Variants in NRG3 observed in about 807,000 individuals in gnomAD.
NRG3 encodes the protein pro-neuregulin-3, membrane-bound isoform.
NRG3 carries 31 observed loss-of-function variants against 66.9 expected under a neutral mutation model. That is an observed-to-expected ratio of 0.46 (90% CI 0.35 to 0.63). NRG3 has a LOEUF of 0.63. NRG3 is among the 20% of genes least tolerant of loss of function. The pLI is 0.00. For synonymous variants in NRG3, 393 were observed against 359.4 expected (o/e 1.09, Z -1.06); for missense variants, 910 against 878.9 (o/e 1.04, Z -0.45).
chr10:81,976,206 GTTGGTAA>G, intron 1 of NRG3, among the ~76,000 whole-genome samples: 1 of 152,218 alleles, frequency 6.6e-6, no homozygotes, highest in Non-Finnish European at 1.5e-5. Context: ...CATACCATTG[GTTGGTAA>G]TTGCTTCTGT....
intron 4 of NRG3, among the ~76,000 whole-genome samples, chr10:82,904,422 C>T (rs1844525826): frequency 1.3e-5 from 2 of 152,060 alleles, no homozygotes; most frequent in Admixed American, 6.6e-5. Flanking sequence ...CCTTTGCCCT[C>T]CTTAAAATGA....
intron 1 of NRG3, among the ~76,000 whole-genome samples, chr10:82,006,890 A>C (rs1481461842): frequency 6.6e-6 from 1 of 152,176 alleles, no homozygotes; most frequent in Non-Finnish European, 1.5e-5. Flanking sequence ...TTCACAGCAA[A>C]ATTTCCTTGA....
At chr10:82,035,309 C>T (rs1431016192) in intron 1 of NRG3, among the ~76,000 whole-genome samples, 1 of 152,050 alleles carries the variant, frequency 6.6e-6, no homozygotes, top group Non-Finnish European at 1.5e-5. Flanking sequence ...ATTTTAACTC[C>T]CTGTGGTCTG....
At chr10:82,380,151 G>T (rs1278808131) in intron 2 of NRG3, among the ~76,000 whole-genome samples, 1 of 151,904 alleles carries the variant, frequency 6.6e-6, no homozygotes, top group Non-Finnish European at 1.5e-5. Context: ...TGTACATGTG[G>T]AGCTTTTTAC....
At chr10:82,496,272 C>G (rs1843625425) in intron 2 of NRG3, among the ~76,000 whole-genome samples, 1 of 152,204 alleles carries the variant, frequency 6.6e-6, no homozygotes, top group Non-Finnish European at 1.5e-5. Context: ...GTAAACACCT[C>G]TCACTGCCAG....
intron 1 of NRG3, among the ~76,000 whole-genome samples, chr10:82,082,450 C>T (rs145074942): frequency 9.2e-5 from 14 of 152,192 alleles, no homozygotes; most frequent in Middle Eastern, 3.4e-3. Flanking sequence ...TTAAGGTTAT[C>T]GTCTTATGCT....
intron 2 of NRG3, among the ~76,000 whole-genome samples, chr10:82,638,156 A>G (rs1046453278): frequency 7.2e-5 from 11 of 152,206 alleles, no homozygotes; most frequent in African/African-American, 2.7e-4. Context: ...TGCTGAATTA[A>G]ACATATGTAT....
chr10:82,340,025 G>A (rs1018533215), intron 1 of NRG3, among the ~76,000 whole-genome samples: 4 of 151,982 alleles, frequency 2.6e-5, no homozygotes, highest in Admixed American at 6.6e-5. Flanking sequence ...GAATACTCTC[G>A]AAAGTGTCTT....
At chr10:82,886,444 G>A (rs1842728986) in intron 4 of NRG3, among the ~76,000 whole-genome samples, 1 of 152,128 alleles carries the variant, frequency 6.6e-6, no homozygotes, top group African/African-American at 2.4e-5. Flanking sequence ...GTTCAGATTG[G>A]ATCGATACGT....
intron 1 of NRG3, among the ~76,000 whole-genome samples, chr10:82,106,341 A>T (rs1425719644): frequency 6.6e-6 from 1 of 152,188 alleles, no homozygotes; most frequent in Non-Finnish European, 1.5e-5. Flanking sequence ...AGTTAGACCC[A>T]GGAGGGTTCA....
chr10:82,387,010 G>A (rs879408082), intron 2 of NRG3, among the ~76,000 whole-genome samples: 3 of 152,154 alleles, frequency 2.0e-5, no homozygotes, highest in Non-Finnish European at 4.4e-5. Flanking sequence ...ATGTTGGCCA[G>A]GTTGGTCTCG....
intron 1 of NRG3, chr10:81,878,185 C>T: frequency 8.6e-7 from 1 of 1,169,444 alleles, no homozygotes; most frequent in Non-Finnish European, 1.2e-6. Context: ...TTGACAGGGC[C>T]CTCAGCCCCA....
chr10:82,844,256 T>G (rs1163220225), intron 3 of NRG3, among the ~76,000 whole-genome samples: 1 of 152,198 alleles, frequency 6.6e-6, no homozygotes, highest in Admixed American at 6.5e-5. Flanking sequence ...TCTAATTAAA[T>G]CCCATTATGC....
chr10:82,089,477 G>A (rs1390868855), intron 1 of NRG3, among the ~76,000 whole-genome samples: 1 of 152,140 alleles, frequency 6.6e-6, no homozygotes, highest in African/African-American at 2.4e-5. Context: ...AGGGAAGGAA[G>A]TGAGAGCCAG....
chr10:82,470,655 G>A (rs1841162829), intron 2 of NRG3, among the ~76,000 whole-genome samples: 3 of 152,214 alleles, frequency 2.0e-5, no homozygotes, highest in African/African-American at 7.2e-5. Context: ...AGGTTAAACA[G>A]CAATGCTGTG....
intron 2 of NRG3, among the ~76,000 whole-genome samples, chr10:82,619,836 T>C (rs906587415): frequency 5.3e-5 from 8 of 152,138 alleles, no homozygotes; most frequent in Non-Finnish European, 8.8e-5. Flanking sequence ...GAGAAAGGCC[T>C]TAGCAGAAAC....
chr10:82,326,768 T>G (rs1179422888), intron 1 of NRG3, among the ~76,000 whole-genome samples: 1 of 152,204 alleles, frequency 6.6e-6, no homozygotes, highest in Non-Finnish European at 1.5e-5. Flanking sequence ...TTGCCAGAAA[T>G]CTAAAGTCTT....
intron 2 of NRG3, among the ~76,000 whole-genome samples, chr10:82,461,494 A>G (rs996116918): frequency 6.6e-6 from 1 of 152,088 alleles, no homozygotes; most frequent in Admixed American, 6.6e-5. Context: ...CATTCTTATC[A>G]TTGCACATGT....
chr10:81,952,529 G>A (rs1222990032), intron 1 of NRG3, among the ~76,000 whole-genome samples: 1 of 152,054 alleles, frequency 6.6e-6, no homozygotes, highest in Non-Finnish European at 1.5e-5. Flanking sequence ...GCTTATGCAA[G>A]ACTTGTTTCA....
Sources: allele counts gnomAD v4.1 joint callset (sites outside exome capture counted in the v4.1 genomes callset), GRCh38; gene constraint gnomAD v4.1.1; transcripts MANE v1.5; gene names NCBI Gene and HGNC (gene_info 2026-07-23, HGNC 2026-07-21).